PCDHGA6: variants seen among roughly 807,000 people sequenced by gnomAD.
PCDHGA6 encodes protocadherin gamma-A6.
Under a neutral mutation model 60.6 loss-of-function variants are expected in PCDHGA6, and 41 were observed. The ratio of observed to expected loss-of-function variants is 0.68; its 90% CI spans 0.53 to 0.88. The LOEUF is 0.88. PCDHGA6 is among the 40% of genes least tolerant of loss of function. The pLI is 0.00. For synonymous variants in PCDHGA6, 594 were observed against 524.4 expected (o/e 1.13, Z -1.81); for missense variants, 1,312 against 1,203.0 (o/e 1.09, Z -1.34).
intron 1 of PCDHGA6, chr5:141,384,570 C>T (rs1344812982): frequency 6.2e-7 from 1 of 1,614,240 alleles, no homozygotes; most frequent in South Asian, 1.1e-5. Context: ...ACCAGAATGA[C>T]AACCCGCCCG....
At chr5:141,383,889 G>T in intron 1 of PCDHGA6, 1 of 1,613,938 alleles carries the variant, frequency 6.2e-7, no homozygotes, top group South Asian at 1.1e-5. Context: ...GTCTGACAAA[G>T]GCAAAAGTAC....
intron 1 of PCDHGA6, chr5:141,392,678 G>A: frequency 1.1e-6 from 1 of 941,110 alleles, no homozygotes; most frequent in Non-Finnish European, 1.5e-6. Flanking sequence ...CTGCTGGACT[G>A]CAGCGAAACC....
intron 1 of PCDHGA6, among the ~76,000 whole-genome samples, chr5:141,474,294 G>A (rs535055214): frequency 1.3e-5 from 2 of 152,296 alleles, no homozygotes; most frequent in African/African-American, 4.8e-5. Context: ...CTAGATCAGT[G>A]CTTGTCAAAC....
Position 141,489,829 on chromosome 5 carries a change from G to T in PCDHGA6, c.2425-4978G>T, listed in dbSNP as rs1445416879. 6.2e-7 allele frequency: 1 copy of T among 1,614,076 alleles called. No individual in the cohort carries two copies. Among genetic ancestry groups the T allele is most frequent in the South Asian group, 1.1e-5 (1 of 91,070 alleles). ...GAAGCCATTCCCAGAGCTGGTGCTA[G>T]AGCAGCAGCTGGATCGTGAAGCCCA... On this transcript the variant is annotated intron_variant, in intron 1 of 3. Coordinates refer to ENST00000517434, the MANE Select transcript of PCDHGA6 (RefSeq NM_018919.3). The surrounding 1 kb of genome is among the most constrained non-coding windows in gnomAD (Gnocchi z 4.5).
chr5:141,415,080 C>T (rs1426953509), intron 1 of PCDHGA6: 1 of 1,613,526 alleles, frequency 6.2e-7, no homozygotes, highest in African/African-American at 1.3e-5. Context: ...CGGCGCGAGC[C>T]CTGCTGGACA....
chr5:141,448,803 G>A (rs2098607666), intron 1 of PCDHGA6, among the ~76,000 whole-genome samples: 2 of 152,020 alleles, frequency 1.3e-5, no homozygotes, highest in South Asian at 4.1e-4. Flanking sequence ...AAATTAGCCA[G>A]GCGTGATGGC....
chr5:141,392,766 C>A, intron 1 of PCDHGA6: 1 of 1,489,084 alleles, frequency 6.7e-7, no homozygotes, highest in South Asian at 1.4e-5. Flanking sequence ...AAATAAGACC[C>A]ATTTATGCAC....
chr5:141,485,067 C>G lies in PCDHGA6; in HGVS notation c.2425-9740C>G, dbSNP rs944494894. On this transcript the variant is annotated intron_variant, in intron 1 of 3. Transcript: ENST00000517434. This position sits in a 1 kb window ranked among gnomAD's most constrained non-coding sequence, Gnocchi z 5.7. Reference sequence around the variant, plus strand: ...CGGCGCCGGCCGAACCGCGCCAGAGCTGGCGCGGGGAAAGGGAGATAGGTG... The same window carrying G: ...CGGCGCCGGCCGAACCGCGCCAGAGGTGGCGCGGGGAAAGGGAGATAGGTG... 21 of 894,418 alleles carry G rather than the reference C, an allele frequency of 2.3e-5. No individual in the cohort carries two copies. The highest frequency in any genetic ancestry group is 1.8e-4 in the Admixed American group (8 of 43,320). 55.4% of individuals were successfully genotyped at this position (894,418 alleles called of 1,614,324 possible). A position where few individuals can be genotyped will look rare whatever the true frequency, so the allele number is the denominator to read the frequency against.
intron 1 of PCDHGA6, chr5:141,383,924 A>G: frequency 1.2e-6 from 2 of 1,613,950 alleles, no homozygotes; most frequent in Non-Finnish European, 1.7e-6. Context: ...GATGTAAATG[A>G]TAATGCTCCA....
chr5:141,499,138 G>A (rs765607930), intron 2 of PCDHGA6, among the ~76,000 whole-genome samples: 12 of 152,144 alleles, frequency 7.9e-5, no homozygotes, highest in Non-Finnish European at 1.5e-4. Flanking sequence ...TCCTTTGGGT[G>A]TCTGATCCCA....
In PCDHGA6 at chr5:141,413,416, C is replaced by G. The variant is rs893515703; in HGVS notation, c.2424+36909C>G. ...CAGAGGTAGGACGCAGCTTTTCTCT[C>G]TGAACCCGCGCAGCGGCAGCTTGAT... On this transcript the variant is annotated intron_variant, in intron 1 of 3. Transcript: ENST00000517434. 1 of 1,614,100 alleles carries G rather than the reference C, an allele frequency of 6.2e-7. No individual in the cohort carries two copies. Among genetic ancestry groups the G allele is most frequent in the Admixed American group, 1.7e-5 (1 of 60,034 alleles).
chr5:141,505,557 A>C (rs2099846692), intron 3 of PCDHGA6, 76 bp downstream of exon 3: 1 of 1,606,080 alleles, frequency 6.2e-7, no homozygotes, highest in Non-Finnish European at 8.5e-7. Flanking sequence ...CACCATGCCC[A>C]CGGACTGGAT....
Position 141,487,856 on chromosome 5 carries a change from T to C in PCDHGA6, c.2425-6951T>C. The C allele has an allele frequency of 2.0e-6, 2 of 977,364 alleles. No homozygotes were observed. The highest frequency in any genetic ancestry group is 3.0e-6 in the Non-Finnish European group (2 of 671,858). 60.5% of individuals were successfully genotyped at this position (977,364 alleles called of 1,614,324 possible). A position where few individuals can be genotyped will look rare whatever the true frequency, so the allele number is the denominator to read the frequency against. Reference sequence around the variant, plus strand: ...ATATCTGAGTAAGAAATGAAAGTAATTGGTGATCAAGAGCCAGGCTGTTGT... The same window carrying C: ...ATATCTGAGTAAGAAATGAAAGTAACTGGTGATCAAGAGCCAGGCTGTTGT... On this transcript the variant is annotated intron_variant, in intron 1 of 3. Transcript: ENST00000517434. The surrounding 1 kb of genome is among the most constrained non-coding windows in gnomAD (Gnocchi z 5.0).
chr5:141,393,555 C>A lies in PCDHGA6; in HGVS notation c.2424+17048C>A. ...CCCGGTTTTTCCTCACCCGATTTAC[C>A]GAGTGAAAGTCCTTGAGAACATGCC... On this transcript the variant is annotated intron_variant, in intron 1 of 3. Transcript: ENST00000517434. The A allele has an allele frequency of 5.0e-6, 8 of 1,613,928 alleles. 1 individual carries two copies. Among genetic ancestry groups the A allele is most frequent in the Non-Finnish European group, 6.8e-6 (8 of 1,179,886 alleles).
chr5:141,419,540 C>A (rs999461892), intron 1 of PCDHGA6: 4 of 1,612,018 alleles, frequency 2.5e-6, no homozygotes. Flanking sequence ...CAACGCACCG[C>A]GGGTGCTGTA....
chr5:141,375,556 G>A lies in PCDHGA6; in HGVS notation c.1473G>A (p.Leu491=), dbSNP rs750283278. The A allele has an allele frequency of 2.9e-5, 47 of 1,614,044 alleles. No homozygotes were observed. The highest frequency in any genetic ancestry group is 4.0e-5 in the Non-Finnish European group (47 of 1,179,956). Residue 491 remains leucine (L), a synonymous_variant, in exon 1 of 4, where the codon CTG becomes CTA. Transcript: ENST00000517434. ...AGAACGCCCAAGTCTCCTACTCACT[G>A]GCAGAAGACACCCTCCAGGGGGCGC... is the stretch of plus-strand genomic sequence containing the variant. ...VDQNAQVSYS[L]AEDTLQGAPL...
intron 1 of PCDHGA6, chr5:141,410,760 A>G: frequency 8.5e-7 from 1 of 1,177,482 alleles, no homozygotes; most frequent in Non-Finnish European, 1.2e-6. Flanking sequence ...ATGTTTTTTC[A>G]ATTATAGTTT....
At position 141,476,193 on chromosome 5, in the gene PCDHGA6, T is replaced by C. The variant is rs1224461188; in HGVS notation, c.2425-18614T>C. On this transcript the variant is annotated intron_variant, in intron 1 of 3. Coordinates refer to ENST00000517434, the MANE Select transcript of PCDHGA6 (RefSeq NM_018919.3). The surrounding 1 kb of genome is among the most constrained non-coding windows in gnomAD (Gnocchi z 7.6). The stretch of plus-strand genomic sequence containing the variant: ...GGAGTTTTGCTTCTGCTTGGTGCCT[T>C]GAACAAGGCTTCCACGGTCATTCAC... The C allele has an allele frequency of 6.2e-7, 1 of 1,613,812 alleles. No homozygotes were observed. Among genetic ancestry groups the C allele is most frequent in the South Asian group, 1.1e-5 (1 of 91,068 alleles).
chr5:141,501,066 A>G (rs2099805322), intron 2 of PCDHGA6, among the ~76,000 whole-genome samples: 1 of 151,976 alleles, frequency 6.6e-6, no homozygotes, highest in South Asian at 2.1e-4. Flanking sequence ...ACGGGGTTTC[A>G]CCATGTTGAC....
Sources: allele counts gnomAD v4.1 joint callset (sites outside exome capture counted in the v4.1 genomes callset), GRCh38; gene constraint gnomAD v4.1.1; non-coding constraint Gnocchi (gnomAD v3.1); transcripts MANE v1.5; gene names NCBI Gene and HGNC (gene_info 2026-07-23, HGNC 2026-07-21).